The following UNC13C variants were observed in gnomAD, a reference collection of about 807,000 sequenced individuals.
UNC13C encodes the protein unc-13 homolog C.
In UNC13C, 174 loss-of-function variants were observed where a neutral mutation model predicts 245.4. The observed-to-expected ratio is 0.71, with a 90% CI of 0.63 to 0.80. The LOEUF (loss-of-function observed/expected upper bound fraction) is 0.80, where lower values mean the gene tolerates loss of function less well. Among genes scored for constraint, UNC13C ranks in the 30% least tolerant of loss-of-function variants. The pLI is 0.00. For synonymous variants in UNC13C, 992 were observed against 895.1 expected, an observed-to-expected ratio of 1.11 and a Z score of -1.93; for missense variants, 2,829 against 2,602.9, an observed-to-expected ratio of 1.09 and a Z score of -1.89.
chr15:54,106,028 A>T (rs1385076669), intron 2 of UNC13C, among the ~76,000 whole-genome samples: 1 of 152,220 alleles, frequency 6.6e-6, no homozygotes, highest in Non-Finnish European at 1.5e-5. Context: ...TTTGAAAGAC[A>T]GTGACTCCAA....
intron 4 of UNC13C, among the ~76,000 whole-genome samples, chr15:54,195,481 T>C (rs1296660405): frequency 6.6e-6 from 1 of 152,148 alleles, no homozygotes; most frequent in Admixed American, 6.6e-5. Context: ...TGGTCAACCC[T>C]GTACTGTTTG....
intron 23 of UNC13C, among the ~76,000 whole-genome samples, chr15:54,511,081 C>A (rs1435322579): frequency 6.6e-6 from 1 of 152,062 alleles, no homozygotes; most frequent in Non-Finnish European, 1.5e-5. Flanking sequence ...AGAGACACAG[C>A]AGCATGTACA....
At chr15:54,618,322 A>G (rs1224878788) in intron 30 of UNC13C, among the ~76,000 whole-genome samples, 1 of 152,146 alleles carries the variant, frequency 6.6e-6, no homozygotes, top group East Asian at 1.9e-4. Context: ...TGACCCAATA[A>G]TGTTAGTGAC....
At chr15:54,437,920 G>A (rs1311931570) in intron 19 of UNC13C, among the ~76,000 whole-genome samples, 1 of 151,946 alleles carries the variant, frequency 6.6e-6, no homozygotes, top group Admixed American at 6.6e-5. Context: ...TACGATAAAA[G>A]CCATGTGTCA....
chr15:54,278,657 T>A (rs942651347), intron 10 of UNC13C, among the ~76,000 whole-genome samples: 32 of 152,290 alleles, frequency 2.1e-4, no homozygotes, highest in African/African-American at 6.7e-4. Context: ...TTATTTTTTT[T>A]AAATGTAATA....
intron 26 of UNC13C, among the ~76,000 whole-genome samples, chr15:54,544,915 A>G (rs1318326270): frequency 6.6e-6 from 1 of 152,214 alleles, no homozygotes; most frequent in African/African-American, 2.4e-5. Context: ...TCAAGCTACC[A>G]TTAACTTTCT....
intron 2 of UNC13C, among the ~76,000 whole-genome samples, chr15:54,092,377 A>T (rs1303849231): frequency 1.3e-5 from 2 of 152,222 alleles, no homozygotes; most frequent in Non-Finnish European, 2.9e-5. Flanking sequence ...GCTATAATTT[A>T]AAAAAATCAT....
chr15:54,087,903 G>A (rs1371498578), intron 2 of UNC13C, among the ~76,000 whole-genome samples: 9 of 152,032 alleles, frequency 5.9e-5, no homozygotes, highest in Non-Finnish European at 1.3e-4. Context: ...TTGGATATTG[G>A]GAGAAAAGGC....
chr15:53,865,848 A>G, the UNC13C span, among the ~76,000 whole-genome samples: 1 of 152,158 alleles, frequency 6.6e-6, no homozygotes, highest in Admixed American at 6.5e-5. Context: ...GGCTCCAGTT[A>G]AATGTAAGTT....
At chr15:54,490,319 C>T (rs1363423437) in intron 19 of UNC13C, among the ~76,000 whole-genome samples, 1 of 152,144 alleles carries the variant, frequency 6.6e-6, no homozygotes, top group Non-Finnish European at 1.5e-5. Context: ...TATCCATCCT[C>T]AACGGGAAGA....
chr15:54,438,599 T>G (rs1005545861), intron 19 of UNC13C, among the ~76,000 whole-genome samples: 2 of 151,996 alleles, frequency 1.3e-5, no homozygotes, highest in African/African-American at 4.8e-5. Flanking sequence ...GTTCTTGCCA[T>G]CAAGGCATAA....
intron 10 of UNC13C, among the ~76,000 whole-genome samples, chr15:54,292,127 T>A (rs78318550): frequency 6.6e-6 from 1 of 152,014 alleles, no homozygotes; most frequent in African/African-American, 2.4e-5. Context: ...CTTGGTGAAG[T>A]TCTTAACAGC....
intron 19 of UNC13C, 27 bp from the exon 20 acceptor site, chr15:54,494,581 T>C: frequency 6.5e-7 from 1 of 1,535,182 alleles, no homozygotes; most frequent in African/African-American, 1.4e-5. Context: ...CCAAGCTTTA[T>C]TAAATATTTA....
the UNC13C span, among the ~76,000 whole-genome samples, chr15:53,950,427 A>AT: frequency 0.54 from 80,204 of 147,902 alleles, 21,597 homozygotes; most frequent in Middle Eastern, 0.64. Context: ...TAAAATAAAG[A>AT]TTTTTTTTTT....
At chr15:54,623,261 G>A (rs1240678084) in intron 31 of UNC13C, among the ~76,000 whole-genome samples, 1 of 151,860 alleles carries the variant, frequency 6.6e-6, no homozygotes, top group Non-Finnish European at 1.5e-5. Context: ...GCTAAATATA[G>A]GATGAAATAG....
chr15:54,523,606 T>C (rs1895320809), intron 24 of UNC13C, among the ~76,000 whole-genome samples: 1 of 152,208 alleles, frequency 6.6e-6, no homozygotes, highest in African/African-American at 2.4e-5. Context: ...TAGCATAATT[T>C]TGTGCAAGTG....
At chr15:54,297,323 T>G (rs780227023) in intron 11 of UNC13C, among the ~76,000 whole-genome samples, 4 of 152,040 alleles carry the variant, frequency 2.6e-5, no homozygotes, top group Middle Eastern at 3.4e-3. Flanking sequence ...CAAATATTTT[T>G]AATTGTATTT....
At chr15:54,041,600 G>A (rs909736532) in intron 2 of UNC13C, among the ~76,000 whole-genome samples, 10 of 152,118 alleles carry the variant, frequency 6.6e-5, no homozygotes, top group African/African-American at 1.7e-4. Context: ...AGCATGATTC[G>A]GAGATAATTG....
intron 5 of UNC13C, among the ~76,000 whole-genome samples, chr15:54,235,715 G>T (rs1318958774): frequency 7.2e-5 from 11 of 152,130 alleles, no homozygotes. Context: ...AACTGGAGTG[G>T]TTGTGGGCAC....
Sources: gnomAD v4.1 joint callset for allele counts (sites outside exome capture counted in the v4.1 genomes callset) on GRCh38, gnomAD v4.1.1 for gene constraint, MANE v1.5 for transcripts, NCBI Gene and HGNC (gene_info 2026-07-23, HGNC 2026-07-21) for gene names.